NCOA1: variants seen among roughly 807,000 people sequenced by gnomAD.
The protein encoded by NCOA1 is Hin-2 protein.
Under a neutral mutation model 150.9 loss-of-function variants are expected in NCOA1, and 35 were observed. The observed-to-expected ratio is 0.23, with a 90% confidence interval of 0.18 to 0.31. The LOEUF (loss-of-function observed/expected upper bound fraction) is 0.31, where lower values mean the gene tolerates loss of function less well. Ranked by LOEUF, NCOA1 falls within the 10% of genes least tolerant of loss-of-function variation. The probability of loss-of-function intolerance (pLI) is 1.00; values close to 1 mark genes in which losing one functional copy is unlikely to be tolerated. For synonymous variants in NCOA1, 590 were observed against 630.0 expected, an observed-to-expected ratio of 0.94 and a Z score of 0.95; for missense variants, 1,491 against 1,749.3, an observed-to-expected ratio of 0.85 and a Z score of 2.63.
rs77803980 is a variant in NCOA1 at position 24,597,782 on chromosome 2, T to C, written c.-175+13222T>C. Among the ~76,000 whole-genome samples the C allele has an allele frequency of 1.0e-3, 155 of 152,334 alleles. 3 individuals carry two copies. The East Asian group carries it at 0.028, about 27-fold the overall frequency. On this transcript the variant is annotated intron_variant, in intron 3 of 22. Transcript: ENST00000348332. ...TTACTGATTTAAATGTGAATCTCTT[T>C]TTTTTTATTATTATACTTTAAGTTC... is the stretch of plus-strand genomic sequence containing the variant.
Position 24,741,823 on chromosome 2 carries a change from G to T in NCOA1, c.3343G>T (p.Glu1115Ter). ...TCAAATGTTGGCACAACGTCAGCGG[G>T]AACTGTACAGTCAACAGCACCGACA... ...NAQMLAQRQR[E>*]LYSQQHRQRQ... Residue 1115 changes from glutamate (E) to a stop codon, truncating the protein, a stop_gained, in exon 19 of 23, where the codon GAA becomes TAA. Transcript: ENST00000348332. LOFTEE classifies it high-confidence loss of function. 6.2e-7 allele frequency: 1 copy of T among 1,614,136 alleles called. No homozygotes were observed. Among genetic ancestry groups the T allele is most frequent in the Non-Finnish European group, 8.5e-7 (1 of 1,180,010 alleles).
At chr2:24,641,416 C>T (rs563006611) in intron 3 of NCOA1, among the ~76,000 whole-genome samples, 139 of 151,552 alleles carry the variant, frequency 9.2e-4, no homozygotes, top group Non-Finnish European at 1.4e-3. Context: ...ATACATAGTC[C>T]GTTTTATTTA....
chr2:24,501,076 C>T (rs1481727470), intron 1 of NCOA1, among the ~76,000 whole-genome samples: 2 of 152,124 alleles, frequency 1.3e-5, no homozygotes, highest in East Asian at 3.8e-4. Context: ...AAAGGCAATA[C>T]CATCTGATTA....
chr2:24,729,855 T>C (rs763702183), intron 17 of NCOA1, 40 bp downstream of exon 17: 57 of 1,464,698 alleles, frequency 3.9e-5, no homozygotes, highest in Non-Finnish European at 4.8e-5. Context: ...TTTTTTTTTT[T>C]TGAGACGAAG....
chr2:24,703,345 A>G (rs1673258085), intron 11 of NCOA1, among the ~76,000 whole-genome samples: 1 of 152,206 alleles, frequency 6.6e-6, no homozygotes, highest in Middle Eastern at 3.2e-3. Context: ...CTGAGTTCTA[A>G]TTAATTGAAG....
chr2:24,570,297 C>T (rs1042489814), intron 2 of NCOA1, among the ~76,000 whole-genome samples: 1 of 152,070 alleles, frequency 6.6e-6, no homozygotes, highest in Non-Finnish European at 1.5e-5. Flanking sequence ...GAACATCTTG[C>T]AGTGAAGTTA....
chr2:24,507,548 A>G (rs1428856929), intron 1 of NCOA1, among the ~76,000 whole-genome samples: 9 of 151,334 alleles, frequency 5.9e-5, no homozygotes, highest in Admixed American at 5.9e-4. Flanking sequence ...GATATTTAGG[A>G]TATCCATTAC....
rs946307040 is a variant in NCOA1 at position 24,707,793 on chromosome 2, G to C, written c.2323G>C (p.Val775Leu). The change falls in exon 13 of 23, where the codon GTG (valine) becomes CTG (leucine). Residue 775 changes from valine to leucine, a missense_variant. Coordinates refer to ENST00000348332, the MANE Select transcript of NCOA1 (RefSeq NM_003743.5). ...GAGCCTGGATGATGTAAAGGTGAAA[G>C]TGGAAAAGAAAGAACAGATGGATCC... ...NLSLDDVKVK[V>L]EKKEQMDPCN... The C allele has an allele frequency of 2.3e-5, 37 of 1,614,082 alleles. No individual in the cohort carries two copies. Among genetic ancestry groups the C allele is most frequent in the Non-Finnish European group, 3.0e-5 (35 of 1,180,022 alleles).
At chr2:24,760,921 CA>C (rs1664758703) in intron 21 of NCOA1, among the ~76,000 whole-genome samples, 1 of 152,078 alleles carries the variant, frequency 6.6e-6, no homozygotes, top group African/African-American at 2.4e-5. Flanking sequence ...AGTCTCCACT[CA>C]CTGTAACCTC....
chr2:24,593,201 C>T (rs762795606), intron 3 of NCOA1, among the ~76,000 whole-genome samples: 9 of 152,198 alleles, frequency 5.9e-5, no homozygotes, highest in African/African-American at 1.7e-4. Context: ...ACTGTCTTGA[C>T]GGATGGCACT....
intron 17 of NCOA1, among the ~76,000 whole-genome samples, chr2:24,738,726 G>A (rs1006361212): frequency 1.3e-5 from 2 of 152,144 alleles, no homozygotes; most frequent in Admixed American, 6.5e-5. Context: ...ATCATTTCCA[G>A]TACTTAATAC....
chr2:24,747,382 A>T (rs1288757270), intron 19 of NCOA1, among the ~76,000 whole-genome samples: 1 of 134,528 alleles, frequency 7.4e-6, no homozygotes, highest in African/African-American at 2.9e-5. Context: ...TCTGTTGCCC[A>T]GGAGTGGCGT....
intron 1 of NCOA1, among the ~76,000 whole-genome samples, chr2:24,552,318 A>G (rs1459732359): frequency 8.0e-5 from 5 of 62,766 alleles, no homozygotes; most frequent in African/African-American, 3.2e-4. Flanking sequence ...TGCTTCATAT[A>G]TATTATATAT....
At chr2:24,496,042 A>G (rs893921783) in intron 1 of NCOA1, among the ~76,000 whole-genome samples, 3 of 152,130 alleles carry the variant, frequency 2.0e-5, no homozygotes, top group Admixed American at 6.5e-5. Context: ...ACATGGAGTA[A>G]TGGGAGTCAC....
intron 17 of NCOA1, among the ~76,000 whole-genome samples, chr2:24,733,510 G>A (rs751601898): frequency 5.9e-5 from 9 of 152,150 alleles, no homozygotes; most frequent in Admixed American, 2.6e-4. Context: ...TTGGGAGGCC[G>A]AGGCGGGTGG....
In NCOA1 at chr2:24,592,702, A is replaced by G. The variant is rs549468881; in HGVS notation, c.-175+8142A>G. ...CACAGCTGGAAGCAGAGTGATCTAGATAAAAGCATAATAAAAAAGCTTACT... is the reference window on the plus strand; with the variant it reads ...CACAGCTGGAAGCAGAGTGATCTAGGTAAAAGCATAATAAAAAAGCTTACT... On this transcript the variant is annotated intron_variant, in intron 3 of 22. Transcript: ENST00000348332. 5.9e-5 allele frequency among the ~76,000 whole-genome samples: 9 copies of G among 151,554 alleles called. No individual in the cohort carries two copies. The South Asian group carries it at 1.9e-3, about 32-fold the overall frequency.
At chr2:24,681,859 C>T (rs572575081) in intron 7 of NCOA1, among the ~76,000 whole-genome samples, 1 of 152,196 alleles carries the variant, frequency 6.6e-6, no homozygotes, top group South Asian at 2.1e-4. Context: ...GGACTACAGG[C>T]GTCCGCTACC....
intron 1 of NCOA1, among the ~76,000 whole-genome samples, chr2:24,552,741 T>G (rs1431459591): frequency 6.6e-6 from 1 of 152,180 alleles, no homozygotes; most frequent in African/African-American, 2.4e-5. Flanking sequence ...TTTATACAAT[T>G]GCTACTATTT....
At chr2:24,678,041 C>G (rs1490581681) in intron 7 of NCOA1, among the ~76,000 whole-genome samples, 1 of 152,076 alleles carries the variant, frequency 6.6e-6, no homozygotes, top group Non-Finnish European at 1.5e-5. Context: ...TCCTGCCACC[C>G]CTGCCCCCAA....
Sources: allele counts gnomAD v4.1 joint callset (sites outside exome capture counted in the v4.1 genomes callset), GRCh38; gene constraint gnomAD v4.1.1; transcripts MANE v1.5; gene names NCBI Gene and HGNC (gene_info 2026-07-23, HGNC 2026-07-21).